ITGA8: variants seen among roughly 807,000 people sequenced by gnomAD.
ITGA8 encodes the protein integrin subunit alpha 8.
Under a neutral mutation model 142.3 loss-of-function variants are expected in ITGA8, and 91 were observed. The ratio of observed to expected loss-of-function variants is 0.64; its 90% confidence interval spans 0.54 to 0.76. ITGA8 has a LOEUF of 0.76. Among genes scored for constraint, ITGA8 ranks in the 30% least tolerant of loss-of-function variants. The pLI is 0.00. For synonymous variants in ITGA8, 505 were observed against 485.2 expected (o/e 1.04, Z -0.54); for missense variants, 1,406 against 1,327.7 (o/e 1.06, Z -0.92).
chr10:15,705,608 T>C (rs564396554), intron 2 of ITGA8, among the ~76,000 whole-genome samples: 1 of 152,280 alleles, frequency 6.6e-6, no homozygotes, highest in Admixed American at 6.5e-5. Flanking sequence ...TAATACCTTC[T>C]TAACTATTAA....
intron 28 of ITGA8, among the ~76,000 whole-genome samples, chr10:15,528,417 G>T (rs574756533): frequency 6.6e-6 from 1 of 152,220 alleles, no homozygotes; most frequent in African/African-American, 2.4e-5. Context: ...TCAGATATTG[G>T]GAGACTTGAA....
At chr10:15,699,496 C>T (rs912819612) in intron 2 of ITGA8, among the ~76,000 whole-genome samples, 1 of 152,160 alleles carries the variant, frequency 6.6e-6, no homozygotes, top group African/African-American at 2.4e-5. Flanking sequence ...ATAGATCAGT[C>T]TAGCTCATTC....
chr10:15,591,539 G>T (rs1832922802), intron 22 of ITGA8, among the ~76,000 whole-genome samples: 1 of 151,798 alleles, frequency 6.6e-6, no homozygotes, highest in African/African-American at 2.4e-5. Context: ...GTTCACAGCT[G>T]GGAAGCCCCA....
At position 15,719,814 on chromosome 10, in the gene ITGA8, C is replaced by CG; in HGVS notation, c.-44_-43insC. 1 of 1,298,202 alleles carries CG rather than the reference C, an allele frequency of 7.7e-7. No homozygotes were observed. Among genetic ancestry groups the CG allele is most frequent in the African/African-American group, 1.6e-5 (1 of 64,336 alleles). The allele number at this position is 1,298,202 out of a possible 1,614,324, so 80.4% of individuals were successfully genotyped here. On this transcript the variant is annotated 5_prime_UTR_variant, in exon 1 of 30. Transcript: ENST00000378076. ...GGTGGCTGCTACCCAGGAGCGCGAG[C>CG]CGAGGACCCCTGCGGGGCAAGGGGG... is the stretch of plus-strand genomic sequence containing the variant.
At chr10:15,616,350 G>A (rs1227188043) in intron 14 of ITGA8, among the ~76,000 whole-genome samples, 164 bp downstream of exon 14, 1 of 152,168 alleles carries the variant, frequency 6.6e-6, no homozygotes, top group African/African-American at 2.4e-5. Flanking sequence ...GAGTAAAAAT[G>A]CAAAGGAAAG....
chr10:15,642,423 A>C (rs1330567391), intron 13 of ITGA8, among the ~76,000 whole-genome samples: 1 of 152,172 alleles, frequency 6.6e-6, no homozygotes, highest in Non-Finnish European at 1.5e-5. Flanking sequence ...GAGACCTATG[A>C]CTACCATAAT....
intron 26 of ITGA8, among the ~76,000 whole-genome samples, chr10:15,548,969 C>T (rs929319291): frequency 3.9e-5 from 6 of 152,190 alleles, no homozygotes; most frequent in East Asian, 3.9e-4. Flanking sequence ...AGTTACTGAC[C>T]GATTGACATA....
chr10:15,692,349 A>T (rs1329570803), intron 2 of ITGA8, among the ~76,000 whole-genome samples: 2 of 152,204 alleles, frequency 1.3e-5, no homozygotes, highest in Admixed American at 6.5e-5. Context: ...TGACATGAAA[A>T]TATGTATTCA....
chr10:15,687,896 C>G, intron 3 of ITGA8, 42 bp downstream of exon 3: 1 of 1,172,504 alleles, frequency 8.5e-7, no homozygotes, highest in South Asian at 1.2e-5. Context: ...CAGTGCACAC[C>G]ATACTCCAAA....
intron 29 of ITGA8, among the ~76,000 whole-genome samples, chr10:15,518,705 A>T (rs930747981): frequency 6.6e-6 from 1 of 152,206 alleles, no homozygotes; most frequent in Non-Finnish European, 1.5e-5. Flanking sequence ...CTTTTAGAAC[A>T]AACCTCAGTA....
intron 13 of ITGA8, among the ~76,000 whole-genome samples, chr10:15,639,625 G>A (rs1833835391): frequency 6.6e-6 from 1 of 152,232 alleles, no homozygotes; most frequent in Non-Finnish European, 1.5e-5. Flanking sequence ...TCTGCATCAG[G>A]ATCTGCAATT....
rs1170157609 is a variant in ITGA8, at chr10:15,616,582, A to C, written c.1400-23T>G. On this transcript the variant is annotated intron_variant, in intron 13 of 29. Coordinates refer to ENST00000378076, the MANE Select transcript of ITGA8 (RefSeq NM_003638.3). ...AATCTTAAAAAGACAAAAACACAGA[A>C]CACATGCGTGAATCGTATAGAAACA... The C allele has an allele frequency of 1.1e-5, 17 of 1,603,608 alleles. 1 individual carries two copies. In the South Asian group the frequency reaches 1.8e-4, roughly 17 times the overall value.
chr10:15,630,629 G>C (rs1192464092), intron 13 of ITGA8, among the ~76,000 whole-genome samples: 1 of 151,908 alleles, frequency 6.6e-6, no homozygotes, highest in African/African-American at 2.4e-5. Context: ...TGGGAAAATG[G>C]CCAGGGCACA....
At chr10:15,693,400 A>G (rs892463460) in intron 2 of ITGA8, among the ~76,000 whole-genome samples, 1 of 152,220 alleles carries the variant, frequency 6.6e-6, no homozygotes, top group Non-Finnish European at 1.5e-5. Flanking sequence ...AATAAATTAT[A>G]CATACTCAAT....
chr10:15,691,174 C>G (rs1286155463), intron 2 of ITGA8, among the ~76,000 whole-genome samples: 1 of 152,064 alleles, frequency 6.6e-6, no homozygotes, highest in Non-Finnish European at 1.5e-5. Context: ...GGGCTATTAT[C>G]AAAAAGACAA....
intron 13 of ITGA8, among the ~76,000 whole-genome samples, chr10:15,629,702 G>A (rs1833650990): frequency 6.6e-6 from 1 of 152,050 alleles, no homozygotes; most frequent in African/African-American, 2.4e-5. Context: ...CAAGGCAGGT[G>A]GATCACTTGA....
chr10:15,563,535 C>A (rs528327399), intron 25 of ITGA8, among the ~76,000 whole-genome samples: 2 of 152,248 alleles, frequency 1.3e-5, no homozygotes, highest in South Asian at 4.1e-4. Context: ...CTATAAAAAA[C>A]AAGGGACTGA....
chr10:15,570,629 AAAAAAG>A (rs1459037654), intron 25 of ITGA8, among the ~76,000 whole-genome samples: 5 of 151,326 alleles, frequency 3.3e-5, no homozygotes, highest in African/African-American at 1.2e-4. Flanking sequence ...AAAAAAAAAA[AAAAAAG>A]AGAATAAGTG....
Position 15,517,179 on chromosome 10 carries a change from A to G in ITGA8, c.3171T>C (p.Asn1057=), listed in dbSNP as rs758320081. ...CTTGTCATGCCTCAGGGGTCTTGTC[A>G]TTTGTCAGCTGTTCCCTGTCGGTCA... ...EDMTDREQLT[N]DKTPEA The change falls in exon 30 of 30, where the codon AAT becomes AAC. Residue 1057 remains asparagine (N), a synonymous_variant. Coordinates refer to ENST00000378076, the MANE Select transcript of ITGA8 (RefSeq NM_003638.3). 6 of 1,612,406 alleles carry G rather than the reference A, an allele frequency of 3.7e-6. No homozygotes were observed. The highest frequency in any genetic ancestry group is 2.2e-5 in the South Asian group (2 of 91,020).
Sources: allele counts gnomAD v4.1 joint callset (sites outside exome capture counted in the v4.1 genomes callset), GRCh38; gene constraint gnomAD v4.1.1; transcripts MANE v1.5; gene names NCBI Gene and HGNC (gene_info 2026-07-23, HGNC 2026-07-21).